Variants in VPS13B observed in about 807,000 individuals in gnomAD.
The protein encoded by VPS13B is intermembrane lipid transfer protein VPS13B.
Under a neutral mutation model 426.4 loss-of-function variants are expected in VPS13B, and 285 were observed. The ratio of observed to expected loss-of-function variants is 0.67; its 90% confidence interval spans 0.61 to 0.74. VPS13B has a LOEUF of 0.74. VPS13B is among the 30% of genes least tolerant of loss of function. VPS13B has a pLI of 0.00. For synonymous variants in VPS13B, 1,676 were observed against 1,676.4 expected (o/e 1.00, Z 0.01); for missense variants, 4,537 against 4,782.6 (o/e 0.95, Z 1.51).
chr8:99,190,560 T>C (rs1447247154), intron 16 of VPS13B, among the ~76,000 whole-genome samples: 1 of 152,138 alleles, frequency 6.6e-6, no homozygotes. Context: ...CTGTCTACAC[T>C]ATTGCCTTTA....
chr8:99,706,203 G>A (rs1174802195), intron 36 of VPS13B, among the ~76,000 whole-genome samples: 1 of 152,104 alleles, frequency 6.6e-6, no homozygotes, highest in Non-Finnish European at 1.5e-5. Context: ...ATCAAGCACT[G>A]CCTGTAATGG....
chr8:99,046,413 A>G (rs1843243682), intron 3 of VPS13B, among the ~76,000 whole-genome samples: 2 of 148,938 alleles, frequency 1.3e-5, no homozygotes, highest in Admixed American at 1.3e-4. Context: ...ACTTTGTTGA[A>G]TTTTTTTTTT....
intron 40 of VPS13B, among the ~76,000 whole-genome samples, chr8:99,771,539 A>G (rs1213744832): frequency 3.3e-5 from 5 of 152,258 alleles, no homozygotes; most frequent in Non-Finnish European, 5.9e-5. Context: ...ACAGTGATCC[A>G]CAGCCTGTGT....
intron 19 of VPS13B, among the ~76,000 whole-genome samples, chr8:99,312,751 C>T (rs1027076892): frequency 6.6e-6 from 1 of 152,180 alleles, no homozygotes; most frequent in Non-Finnish European, 1.5e-5. Context: ...CGGATAATAT[C>T]TTGCAGATTG....
intron 34 of VPS13B, among the ~76,000 whole-genome samples, chr8:99,650,932 A>G (rs998240463): frequency 3.3e-5 from 5 of 152,196 alleles, no homozygotes; most frequent in African/African-American, 7.2e-5. Context: ...ACAATACAGC[A>G]TAACAACTAT....
Position 99,185,220 on chromosome 8 carries a change from G to A in VPS13B, c.2334-7656G>A, listed in dbSNP as rs1303696831. ...GTATATTCTCATTAAAATTATAAAT[G>A]TATATTTGAGTGCATGAAATGAATA... On this transcript the variant is annotated intron_variant, in intron 16 of 61. Transcript: ENST00000357162. Among the ~76,000 whole-genome samples, 2 of 152,240 alleles carry A rather than the reference G, an allele frequency of 1.3e-5. 1 individual carries two copies. The highest frequency in any genetic ancestry group is 4.1e-4 in the South Asian group (2 of 4,824).
intron 16 of VPS13B, among the ~76,000 whole-genome samples, chr8:99,188,184 T>C (rs1230286519): frequency 2.0e-5 from 3 of 151,860 alleles, no homozygotes; most frequent in African/African-American, 4.8e-5. Context: ...AATTTCATCA[T>C]TTTAAAGTGT....
chr8:99,861,561 C>T (rs1816835034), intron 57 of VPS13B, among the ~76,000 whole-genome samples: 2 of 152,260 alleles, frequency 1.3e-5, no homozygotes, highest in Non-Finnish European at 2.9e-5. Flanking sequence ...GCTGGCCTCC[C>T]ACAGTGCTGG....
chr8:99,243,498 G>T (rs1365688613), intron 17 of VPS13B, among the ~76,000 whole-genome samples: 1 of 151,998 alleles, frequency 6.6e-6, no homozygotes, highest in African/African-American at 2.4e-5. Flanking sequence ...TAAAGCAGTA[G>T]TAGTAACAGT....
chr8:99,447,561 T>C (rs1479462348), intron 23 of VPS13B, among the ~76,000 whole-genome samples: 1 of 152,164 alleles, frequency 6.6e-6, no homozygotes, highest in Non-Finnish European at 1.5e-5. Context: ...TTAACCAACT[T>C]TGAAGTGCCT....
intron 35 of VPS13B, chr8:99,695,834 G>A (rs1177534236): frequency 1.3e-5 from 2 of 152,094 alleles, no homozygotes; most frequent in Admixed American, 6.5e-5. Context: ...AGATCCTGAT[G>A]TCTGAGGAAG....
At chr8:99,310,190 A>C (rs1820875643) in intron 19 of VPS13B, among the ~76,000 whole-genome samples, 1 of 152,120 alleles carries the variant, frequency 6.6e-6, no homozygotes, top group Non-Finnish European at 1.5e-5. Context: ...CTCCTGCCTG[A>C]TTGCCCTGGC....
intron 33 of VPS13B, among the ~76,000 whole-genome samples, chr8:99,641,515 A>G (rs1829357796): frequency 6.6e-6 from 1 of 152,224 alleles, no homozygotes; most frequent in Non-Finnish European, 1.5e-5. Flanking sequence ...GACATTTTAA[A>G]AGATATATGC....
intron 15 of VPS13B, among the ~76,000 whole-genome samples, chr8:99,160,846 T>G (rs1457092559): frequency 1.3e-5 from 2 of 152,164 alleles, no homozygotes; most frequent in African/African-American, 4.8e-5. Flanking sequence ...CCTGCAGGTG[T>G]ATATAAATGT....
In VPS13B at chr8:99,820,307, A is replaced by G. The variant is rs79487631; in HGVS notation, c.8994+185A>G. Among the ~76,000 whole-genome samples, 344 of 152,056 alleles carry G rather than the reference A, an allele frequency of 2.3e-3. 10 individuals are homozygous for G. The East Asian group carries it at 0.047, about 21-fold the overall frequency. On this transcript the variant is annotated intron_variant, in intron 49 of 61. Coordinates refer to ENST00000357162, the MANE Select transcript of VPS13B (RefSeq NM_152564.5). ...TTTCTGATGTCTTTTTTTTTTAACC[A>G]TCAACACTATTGGTGCTTGAGTTAC...
At chr8:99,174,124 CG>C (rs1346041113) in intron 16 of VPS13B, among the ~76,000 whole-genome samples, 2 of 152,024 alleles carry the variant, frequency 1.3e-5, no homozygotes, top group Non-Finnish European at 2.9e-5. Context: ...AAGATTAATC[CG>C]TGTTGCAGCA....
At chr8:99,057,624 T>C (rs1002501515) in intron 3 of VPS13B, among the ~76,000 whole-genome samples, 8 of 152,150 alleles carry the variant, frequency 5.3e-5, no homozygotes, top group African/African-American at 1.9e-4. Context: ...GGGTCAGTCT[T>C]TTTTTTCCTG....
At chr8:99,080,319 T>C (rs1845376035) in intron 3 of VPS13B, among the ~76,000 whole-genome samples, 1 of 152,096 alleles carries the variant, frequency 6.6e-6, no homozygotes, top group Non-Finnish European at 1.5e-5. Context: ...TCATGTGAAA[T>C]TTTCAACTGA....
At chr8:99,692,872 G>A (rs1403778592) in intron 35 of VPS13B, among the ~76,000 whole-genome samples, 30 of 146,144 alleles carry the variant, frequency 2.1e-4, no homozygotes, top group South Asian at 1.5e-3. Context: ...TATCACCACC[G>A]ATCCCACAGA....
Sources: gnomAD v4.1 joint callset for allele counts (sites outside exome capture counted in the v4.1 genomes callset) on GRCh38, gnomAD v4.1.1 for gene constraint, MANE v1.5 for transcripts, NCBI Gene and HGNC (gene_info 2026-07-23, HGNC 2026-07-21) for gene names.